PGBD2: variants seen among roughly 807,000 people sequenced by gnomAD.
PGBD2 encodes piggyBac transposable element-derived protein 2.
PGBD2 carries 6 observed loss-of-function variants against 8.1 expected under a neutral mutation model. That is an observed-to-expected ratio of 0.74 (90% CI 0.40 to 1.46). PGBD2 has a LOEUF of 1.46. PGBD2 is among the 40% of genes most tolerant of loss of function. PGBD2 has a pLI of 0.02. For synonymous variants in PGBD2, 318 were observed against 272.2 expected (o/e 1.17, Z -1.66); for missense variants, 802 against 739.0 (o/e 1.09, Z -0.99).
chr1:248,929,540 C>T, the PGBD2 span, among the ~76,000 whole-genome samples: 746 of 152,278 alleles, frequency 4.9e-3, 12 homozygotes, highest in African/African-American at 0.018. Flanking sequence ...TTAAACCCTC[C>T]GAGTCAGGAG....
chr1:248,920,910 T>C (rs1158387517), downstream of PGBD2, among the ~76,000 whole-genome samples: 1 of 152,256 alleles, frequency 6.6e-6, no homozygotes, highest in Non-Finnish European at 1.5e-5. Flanking sequence ...ATGAACATTT[T>C]TTCATATGTC....
the PGBD2 span, among the ~76,000 whole-genome samples, chr1:248,894,271 T>C: frequency 1.2e-3 from 190 of 152,284 alleles, no homozygotes; most frequent in African/African-American, 4.3e-3. Context: ...ACTTGTCTAT[T>C]TTTGGGTTTT....
chr1:248,929,368 C>T, the PGBD2 span, among the ~76,000 whole-genome samples: 1 of 152,170 alleles, frequency 6.6e-6, no homozygotes, highest in South Asian at 2.1e-4. Flanking sequence ...CCACTATCAG[C>T]ACATTCAAAC....
intron 1 of PGBD2, among the ~76,000 whole-genome samples, chr1:248,907,028 G>A (rs776197042): frequency 2.6e-5 from 4 of 152,116 alleles, no homozygotes; most frequent in Admixed American, 6.5e-5. Flanking sequence ...AGTGGGCCCA[G>A]GGGACCGGCA....
chr1:248,890,884 C>T, the PGBD2 span, among the ~76,000 whole-genome samples: 1 of 151,254 alleles, frequency 6.6e-6, no homozygotes, highest in Non-Finnish European at 1.5e-5. Flanking sequence ...CATCACACTG[C>T]AGATGCTATG....
intron 1 of PGBD2, among the ~76,000 whole-genome samples, chr1:248,907,566 C>T (rs537426331): frequency 6.6e-6 from 1 of 152,314 alleles, no homozygotes; most frequent in Admixed American, 6.5e-5. Flanking sequence ...TTGGACAATA[C>T]CCGGCTTTCC....
chr1:248,879,468 C>T, the PGBD2 span, among the ~76,000 whole-genome samples: 1 of 152,168 alleles, frequency 6.6e-6, no homozygotes, highest in East Asian at 1.9e-4. Flanking sequence ...GATCTCAGCT[C>T]ACCGCAGCCT....
intron 2 of PGBD2, among the ~76,000 whole-genome samples, chr1:248,915,276 G>T (rs1662052873): frequency 1.3e-5 from 2 of 152,362 alleles, no homozygotes; most frequent in Non-Finnish European, 2.9e-5. Flanking sequence ...TCAAATGCAA[G>T]TACAGAGAGT....
the PGBD2 span, among the ~76,000 whole-genome samples, chr1:248,898,103 G>T: frequency 4.6e-5 from 7 of 152,320 alleles, no homozygotes; most frequent in East Asian, 3.9e-4. Context: ...CAGCCCCTTG[G>T]GGGAGGGGCA....
chr1:248,911,738 G>A (rs6689768), intron 1 of PGBD2, among the ~76,000 whole-genome samples: 1,851 of 142,670 alleles, frequency 0.013, 3 homozygotes, highest in African/African-American at 0.043. Flanking sequence ...GCGGCTGGCC[G>A]GGCGGGGGGC....
At chr1:248,883,745 C>T in the PGBD2 span, among the ~76,000 whole-genome samples, 9 of 151,772 alleles carry the variant, frequency 5.9e-5, no homozygotes, top group South Asian at 2.1e-4. Context: ...TACAGGCGCC[C>T]GCCACGATGC....
At chr1:248,881,744 T>A in the PGBD2 span, among the ~76,000 whole-genome samples, 1 of 152,236 alleles carries the variant, frequency 6.6e-6, no homozygotes, top group Non-Finnish European at 1.5e-5. Flanking sequence ...TGTAATAATA[T>A]CTTCCTTGAG....
downstream of PGBD2, among the ~76,000 whole-genome samples, chr1:248,922,055 C>CT (rs908581259): frequency 6.8e-6 from 1 of 146,988 alleles, no homozygotes; most frequent in Non-Finnish European, 1.5e-5. Flanking sequence ...GTTTTCTTTT[C>CT]TTTTTTCTTT....
the PGBD2 span, among the ~76,000 whole-genome samples, chr1:248,894,074 G>A: frequency 6.6e-6 from 1 of 152,050 alleles, no homozygotes. Context: ...TGTGTACTCA[G>A]GTCCTTTGCT....
chr1:248,872,853 G>A, the PGBD2 span, among the ~76,000 whole-genome samples: 1 of 152,172 alleles, frequency 6.6e-6, no homozygotes, highest in African/African-American at 2.4e-5. Context: ...GTGGTGGCGG[G>A]ATTACAGGCA....
At chr1:248,873,186 C>T in the PGBD2 span, among the ~76,000 whole-genome samples, 1 of 152,222 alleles carries the variant, frequency 6.6e-6, no homozygotes, top group South Asian at 2.1e-4. Context: ...ACCGGGAGGA[C>T]ACTGCCAGAG....
intron 1 of PGBD2, among the ~76,000 whole-genome samples, chr1:248,913,557 A>G (rs1299922619): frequency 6.6e-6 from 1 of 152,160 alleles, no homozygotes; most frequent in Non-Finnish European, 1.5e-5. Flanking sequence ...AACATCCTAG[A>G]ATGCAGTGGA....
intron 1 of PGBD2, among the ~76,000 whole-genome samples, chr1:248,909,188 G>A (rs2103104596): frequency 6.6e-6 from 1 of 152,256 alleles, no homozygotes; most frequent in East Asian, 1.9e-4. Context: ...GTTGTCTCAG[G>A]CAGGGCAAGA....
chr1:248,886,949 C>T, the PGBD2 span, among the ~76,000 whole-genome samples: 19 of 151,980 alleles, frequency 1.3e-4, no homozygotes, highest in African/African-American at 3.4e-4. Context: ...TGCAGCATGC[C>T]AGTGGTTTGG....
Sources: gnomAD v4.1 joint callset for allele counts (sites outside exome capture counted in the v4.1 genomes callset) on GRCh38, gnomAD v4.1.1 for gene constraint, MANE v1.5 for transcripts, NCBI Gene and HGNC (gene_info 2026-07-23, HGNC 2026-07-21) for gene names.